Variants in JAZF1 observed in about 807,000 individuals in gnomAD.
JAZF1 encodes juxtaposed with another zinc finger protein 1.
A neutral mutation model predicts 26.4 loss-of-function variants in JAZF1; 8 were observed. The ratio of observed to expected loss-of-function variants is 0.30; its 90% CI spans 0.18 to 0.55. The LOEUF (loss-of-function observed/expected upper bound fraction) is 0.55, where lower values mean the gene tolerates loss of function less well. Ranked by LOEUF, JAZF1 falls within the 20% of genes least tolerant of loss-of-function variation. The pLI is 0.94. For synonymous variants in JAZF1, 126 were observed against 122.3 expected, an observed-to-expected ratio of 1.03 and a Z score of -0.20; for missense variants, 199 against 322.0, an observed-to-expected ratio of 0.62 and a Z score of 2.92.
intron 1 of JAZF1, among the ~76,000 whole-genome samples, chr7:28,169,661 GAA>G (rs1562610902): frequency 1.3e-5 from 2 of 152,136 alleles, no homozygotes; most frequent in Non-Finnish European, 2.9e-5. Context: ...GGTTTACAAA[GAA>G]ACTTCAAAAA....
intron 2 of JAZF1, among the ~76,000 whole-genome samples, chr7:27,931,240 C>T (rs1378845058): frequency 6.6e-6 from 1 of 152,164 alleles, no homozygotes; most frequent in Non-Finnish European, 1.5e-5. Context: ...CAACCATAGA[C>T]AATTCATACA....
intron 1 of JAZF1, among the ~76,000 whole-genome samples, chr7:28,041,362 CTT>C (rs972033598): frequency 3.3e-5 from 5 of 152,136 alleles, no homozygotes; most frequent in African/African-American, 1.2e-4. Flanking sequence ...TTGAGCTTGA[CTT>C]TAGATGGATA....
intron 2 of JAZF1, among the ~76,000 whole-genome samples, chr7:27,904,268 C>T (rs1583456505): frequency 6.6e-6 from 1 of 152,304 alleles, no homozygotes; most frequent in South Asian, 2.1e-4. Flanking sequence ...TGCTCTAGGT[C>T]TCAATGTAAT....
chr7:28,133,951 T>C (rs1303251072), intron 1 of JAZF1, among the ~76,000 whole-genome samples: 2 of 152,254 alleles, frequency 1.3e-5, no homozygotes, highest in Non-Finnish European at 2.9e-5. Flanking sequence ...AGTCTTACTA[T>C]ATGCTTATTT....
intron 1 of JAZF1, among the ~76,000 whole-genome samples, chr7:27,993,123 A>C (rs1785936945): frequency 6.6e-6 from 1 of 152,248 alleles, no homozygotes; most frequent in African/African-American, 2.4e-5. Flanking sequence ...GTGGTGTTAA[A>C]ATTAAGAATC....
Position 27,832,730 on chromosome 7 carries a change from A to G in JAZF1, c.*70T>C, listed in dbSNP as rs1782729981. On this transcript the variant is annotated 3_prime_UTR_variant, in exon 5 of 5. Transcript: ENST00000283928. ...AAAGGGTTGCTGAATGCTTCCCCTG[A>G]AAAAAGGTGGCTGTTTTCAAAATCA... The G allele has an allele frequency of 2.3e-6, 3 of 1,283,170 alleles. No homozygotes were observed. Among genetic ancestry groups the G allele is most frequent in the Admixed American group, 2.7e-5 (1 of 37,090 alleles). 79.5% of individuals were successfully genotyped at this position (1,283,170 alleles called of 1,614,324 possible).
At chr7:28,037,367 G>A (rs1233782112) in intron 1 of JAZF1, among the ~76,000 whole-genome samples, 1 of 152,194 alleles carries the variant, frequency 6.6e-6, no homozygotes, top group Admixed American at 6.5e-5. Context: ...ATGCTGACAT[G>A]ATTCATCTGT....
intron 1 of JAZF1, among the ~76,000 whole-genome samples, chr7:28,067,967 G>A (rs1158252136): frequency 6.6e-6 from 1 of 152,152 alleles, no homozygotes; most frequent in Non-Finnish European, 1.5e-5. Flanking sequence ...AAGCTGGAGT[G>A]CAATGGTGCG....
chr7:28,000,300 A>G (rs1464698017), intron 1 of JAZF1, among the ~76,000 whole-genome samples: 1 of 152,310 alleles, frequency 6.6e-6, no homozygotes, highest in African/African-American at 2.4e-5. Context: ...GGGTTCCAGT[A>G]TAGTATCTAG....
intron 1 of JAZF1, among the ~76,000 whole-genome samples, chr7:28,131,182 T>C (rs1376092189): frequency 6.6e-6 from 1 of 152,174 alleles, no homozygotes; most frequent in Admixed American, 6.6e-5. Context: ...TGCCAAATTA[T>C]CCTTGACAAA....
Position 27,887,636 on chromosome 7 carries a change from G to A in JAZF1, c.385+7584C>T, listed in dbSNP as rs142528786. On this transcript the variant is annotated intron_variant, in intron 3 of 4. Coordinates refer to ENST00000283928, the MANE Select transcript of JAZF1 (RefSeq NM_175061.4). ...TTGCCATGTTTGCCAGGCTGGTCTC[G>A]AACTCCTGACCTCAGGGGATCTGTC... is the stretch of plus-strand genomic sequence containing the variant. 3.7e-3 allele frequency among the ~76,000 whole-genome samples: 559 copies of A among 152,130 alleles called. 2 individuals are homozygous for A. The highest frequency in any genetic ancestry group is 0.013 in the African/African-American group (529 of 41,494).
At chr7:27,929,083 G>C (rs1351876355) in intron 2 of JAZF1, among the ~76,000 whole-genome samples, 1 of 152,196 alleles carries the variant, frequency 6.6e-6, no homozygotes, top group Non-Finnish European at 1.5e-5. Context: ...CAGTTTTCTT[G>C]CAACTGAAAG....
At chr7:28,098,872 G>C (rs1784425410) in intron 1 of JAZF1, among the ~76,000 whole-genome samples, 1 of 152,226 alleles carries the variant, frequency 6.6e-6, no homozygotes, top group Non-Finnish European at 1.5e-5. Flanking sequence ...AGTGCAACAA[G>C]AAAGTCCATA....
intron 1 of JAZF1, among the ~76,000 whole-genome samples, chr7:28,074,093 T>C (rs144326830): frequency 6.6e-6 from 1 of 152,318 alleles, no homozygotes; most frequent in Non-Finnish European, 1.5e-5. Context: ...CAACATTTTC[T>C]AAGTGCCTCA....
At chr7:28,050,869 C>T (rs963726342) in intron 1 of JAZF1, among the ~76,000 whole-genome samples, 1 of 152,146 alleles carries the variant, frequency 6.6e-6, no homozygotes, top group African/African-American at 2.4e-5. Context: ...TGTGGTGGCT[C>T]ATGCCTGTAA....
intron 1 of JAZF1, among the ~76,000 whole-genome samples, chr7:28,058,427 T>A (rs982048394): frequency 6.6e-6 from 1 of 152,168 alleles, no homozygotes; most frequent in African/African-American, 2.4e-5. Flanking sequence ...CATCTCACCC[T>A]GAAGCATTCT....
intron 2 of JAZF1, among the ~76,000 whole-genome samples, chr7:27,954,141 C>T (rs1179883531): frequency 6.6e-6 from 1 of 152,204 alleles, no homozygotes; most frequent in Non-Finnish European, 1.5e-5. Context: ...TTCTGATAGA[C>T]ATCATTTGTC....
intron 1 of JAZF1, among the ~76,000 whole-genome samples, chr7:28,147,136 G>A (rs1783040109): frequency 6.7e-6 from 1 of 148,456 alleles, no homozygotes; most frequent in African/African-American, 2.4e-5. Context: ...ATGAGCCAGT[G>A]CACCTGGCCC....
intron 3 of JAZF1, among the ~76,000 whole-genome samples, chr7:27,878,608 CAT>C (rs1783720075): frequency 6.6e-6 from 1 of 152,098 alleles, no homozygotes; most frequent in South Asian, 2.1e-4. Context: ...TATTTCATGC[CAT>C]AGTGTTTTTC....
Sources: gnomAD v4.1 joint callset for allele counts (sites outside exome capture counted in the v4.1 genomes callset) on GRCh38, gnomAD v4.1.1 for gene constraint, MANE v1.5 for transcripts, NCBI Gene and HGNC (gene_info 2026-07-23, HGNC 2026-07-21) for gene names.